Variants in GNG4 observed in about 807,000 individuals in gnomAD.
GNG4 encodes the protein G protein subunit gamma 4.
GNG4 carries 4 observed loss-of-function variants against 5.8 expected under a neutral mutation model. That is an observed-to-expected ratio of 0.69 (90% confidence interval 0.34 to 1.57). The LOEUF (loss-of-function observed/expected upper bound fraction) is 1.57, where lower values mean the gene tolerates loss of function less well. Ranked by LOEUF, GNG4 falls within the 40% of genes most tolerant of loss-of-function variation. The pLI, the probability that GNG4 is intolerant of heterozygous loss-of-function variation, is 0.06. For synonymous variants in GNG4, 29 were observed against 32.9 expected, an observed-to-expected ratio of 0.88 and a Z score of 0.41; for missense variants, 96 against 95.1, an observed-to-expected ratio of 1.01 and a Z score of -0.04.
chr1:235,585,779 T>C (rs575572805), intron 2 of GNG4, among the ~76,000 whole-genome samples: 28 of 152,322 alleles, frequency 1.8e-4, no homozygotes, highest in Non-Finnish European at 1.3e-4. Flanking sequence ...GGTAAATGCA[T>C]ATTTACTTTT....
At chr1:235,649,864 C>T (rs1430121002), upstream of GNG4, 1 of 149,572 alleles carries the variant, frequency 6.7e-6, no homozygotes, top group Non-Finnish European at 1.5e-5. The surrounding 1 kb of genome is among the most constrained non-coding windows in gnomAD (Gnocchi z 5.7). Flanking sequence ...CAGGGCCCGA[C>T]CACGCGGGCC....
intron 1 of GNG4, among the ~76,000 whole-genome samples, chr1:235,627,099 G>A (rs1486402120): frequency 6.6e-6 from 1 of 151,892 alleles, no homozygotes; most frequent in Non-Finnish European, 1.5e-5. Flanking sequence ...ACAGACCTGA[G>A]GGAGGCTCTG....
rs1686709283 is a variant in GNG4, at chr1:235,550,330, T to C, written c.*1779A>G. 2 of 152,184 alleles carry C rather than the reference T, an allele frequency of 1.3e-5. No homozygotes were observed. Among genetic ancestry groups the C allele is most frequent in the African/African-American group, 4.8e-5 (2 of 41,434 alleles). 9.4% of individuals were successfully genotyped at this position (152,184 alleles called of 1,614,324 possible). ...AAGGTGTTTGCTTCACGGTGTGCAG[T>C]TATGATAGTTTGTGGGTCTCCCTAC... On this transcript the variant is annotated 3_prime_UTR_variant, in exon 4 of 4. Coordinates refer to ENST00000391854, the MANE Select transcript of GNG4 (RefSeq NM_001098722.2).
rs1332163539 is a variant in GNG4, at chr1:235,587,314, T to TGG, written c.-10-3467_-10-3466insCC. Among the ~76,000 whole-genome samples, 58 of 40,662 alleles carry TGG rather than the reference T, an allele frequency of 1.4e-3. 2 individuals are homozygous for TGG. Among genetic ancestry groups the TGG allele is most frequent in the African/African-American group, 0.012 (47 of 3,992 alleles). The allele number at this position is 40,662 out of a possible 152,430, so 26.7% of individuals were successfully genotyped here. On this transcript the variant is annotated intron_variant, in intron 2 of 3. Coordinates refer to ENST00000391854, the MANE Select transcript of GNG4 (RefSeq NM_001098722.2). ...TTGGGGTGTGTGTGAGGGTGAGGGGTGTGTGTGTGTGAGAGTGTGAGAGCA... is the reference window on the plus strand; with the variant it reads ...TTGGGGTGTGTGTGAGGGTGAGGGGTGGGTGTGTGTGTGAGAGTGTGAGAGCA...
At chr1:235,560,346 T>C (rs533584805) in intron 3 of GNG4, among the ~76,000 whole-genome samples, 1 of 152,344 alleles carries the variant, frequency 6.6e-6, no homozygotes, top group Non-Finnish European at 1.5e-5. Context: ...ATCATGGGAA[T>C]GGGCTCCTTA....
In GNG4 at chr1:235,627,353, G is replaced by A. The variant is rs1359775337; in HGVS notation, c.-123+22309C>T. Among the ~76,000 whole-genome samples, 3 of 152,046 alleles carry A rather than the reference G, an allele frequency of 2.0e-5. No homozygotes were observed. The South Asian group carries it at 6.2e-4, about 32-fold the overall frequency. ...TTCTCCTGCCTCAGCCTCCCGAGTA[G>A]CTGGGACTACAGGTGTCCGCCACCA... On this transcript the variant is annotated intron_variant, in intron 1 of 3. Transcript: ENST00000391854.
rs574134372 is a variant in GNG4 at position 235,609,213 on chromosome 1, GAA to G, written c.-122-13704_-122-13703del. ...CAGTATTTCATTCCCTTTTATGGCT[GAA>G]GAGTATTCCATGATGCAGGTGCACC... is the stretch of plus-strand genomic sequence containing the variant. On this transcript the variant is annotated intron_variant, in intron 1 of 3. Coordinates refer to ENST00000391854, the MANE Select transcript of GNG4 (RefSeq NM_001098722.2). Among the ~76,000 whole-genome samples, 361 of 152,282 alleles carry G rather than the reference GAA, an allele frequency of 2.4e-3. 2 individuals are homozygous for G. Among genetic ancestry groups the G allele is most frequent in the Non-Finnish European group, 5.0e-4 (34 of 68,026 alleles).
chr1:235,589,102 T>C (rs1470652290), intron 2 of GNG4: 1 of 152,270 alleles, frequency 6.6e-6, no homozygotes, highest in Non-Finnish European at 1.5e-5. Flanking sequence ...TCAGCAAGTT[T>C]AGAGCGCAGG....
intron 1 of GNG4, among the ~76,000 whole-genome samples, chr1:235,645,797 CAA>C (rs6143682): frequency 1.1e-4 from 10 of 90,388 alleles, no homozygotes; most frequent in South Asian, 5.0e-4. Flanking sequence ...AACTCAGTCT[CAA>C]AAAAAAAAAA....
At chr1:235,647,605 T>C (rs984283952) in intron 1 of GNG4, among the ~76,000 whole-genome samples, 5 of 152,176 alleles carry the variant, frequency 3.3e-5, no homozygotes, top group African/African-American at 1.2e-4. Context: ...CCTGCCCTCC[T>C]GAGACAGCTG....
intron 1 of GNG4, among the ~76,000 whole-genome samples, chr1:235,610,364 C>G (rs191855890): frequency 6.6e-6 from 1 of 152,178 alleles, no homozygotes; most frequent in African/African-American, 2.4e-5. Flanking sequence ...GTTGTCATCA[C>G]GTGATTAAGG....
At chr1:235,604,418 T>G (rs186477524) in intron 1 of GNG4, among the ~76,000 whole-genome samples, 4 of 152,306 alleles carry the variant, frequency 2.6e-5, no homozygotes, top group Non-Finnish European at 5.9e-5. Flanking sequence ...CAACAAAAAT[T>G]TATTCTCTCA....
intron 3 of GNG4, among the ~76,000 whole-genome samples, chr1:235,581,579 G>C (rs1687638399): frequency 1.3e-5 from 2 of 151,424 alleles, no homozygotes; most frequent in Non-Finnish European, 2.9e-5. Context: ...TGCTATGTAA[G>C]ATGTGCCTGC....
Position 235,589,588 on chromosome 1 carries a change from C to G in GNG4, c.-10-5740G>C, listed in dbSNP as rs76994907. The stretch of plus-strand genomic sequence containing the variant: ...CCTCAGCATGGGCTGGAACCTGACC[C>G]CAAGCAGGGCATTTGGTATAGTTGT... On this transcript the variant is annotated intron_variant, in intron 2 of 3. Transcript: ENST00000391854. Among the ~76,000 whole-genome samples, 1,001 of 152,320 alleles carry G rather than the reference C, an allele frequency of 6.6e-3. 10 individuals are homozygous for G. The highest frequency in any genetic ancestry group is 0.023 in the African/African-American group (942 of 41,568).
At position 235,551,074 on chromosome 1, in the gene GNG4, G is replaced by A. The variant is rs1312268048; in HGVS notation, c.*1035C>T. The A allele has an allele frequency of 6.6e-6, 1 of 152,528 alleles. No homozygotes were observed. Among genetic ancestry groups the A allele is most frequent in the Non-Finnish European group, 1.5e-5 (1 of 68,312 alleles). 9.4% of individuals were successfully genotyped at this position (152,528 alleles called of 1,614,324 possible). On this transcript the variant is annotated 3_prime_UTR_variant, in exon 4 of 4. Transcript: ENST00000391854. ...AGGGAGCAGGAAGAGGTGGCATTTG[G>A]AGAGGGGAGACCGCACCCACAGGTC... is the stretch of plus-strand genomic sequence containing the variant.
rs184186958 is a variant in GNG4, at chr1:235,562,752, C to T, written c.100-10515G>A. Among the ~76,000 whole-genome samples, 152 of 151,014 alleles carry T rather than the reference C, an allele frequency of 1.0e-3. 1 individual carries two copies. Among genetic ancestry groups the T allele is most frequent in the African/African-American group, 3.5e-3 (144 of 41,130 alleles). On this transcript the variant is annotated intron_variant, in intron 3 of 3. Coordinates refer to ENST00000391854, the MANE Select transcript of GNG4 (RefSeq NM_001098722.2). ...CTACAGATCAAGTTGGGAAAAACTG[C>T]TATTTTAACTATATTGAGTCTTCTT...
rs1486960652 is a variant in GNG4, at chr1:235,548,411, C to G, written c.*3698G>C. 1 of 152,322 alleles carries G rather than the reference C, an allele frequency of 6.6e-6. No homozygotes were observed. Among genetic ancestry groups the G allele is most frequent in the Non-Finnish European group, 1.5e-5 (1 of 68,120 alleles). 9.4% of individuals were successfully genotyped at this position (152,322 alleles called of 1,614,324 possible). ...ACGCTGCCATCCCTGGACATTGCTACCAGTGGACACACCATCCCTGCAGCC... is the reference window on the plus strand; with the variant it reads ...ACGCTGCCATCCCTGGACATTGCTAGCAGTGGACACACCATCCCTGCAGCC... On this transcript the variant is annotated 3_prime_UTR_variant, in exon 4 of 4. Transcript: ENST00000391854.
chr1:235,616,351 C>G (rs1179046991), intron 1 of GNG4: 3 of 422,952 alleles, frequency 7.1e-6, no homozygotes, highest in African/African-American at 6.2e-5. Flanking sequence ...CCAGATTCAC[C>G]GTCATGCTGG....
chr1:235,633,520 T>C (rs1688974656), intron 1 of GNG4, among the ~76,000 whole-genome samples: 1 of 152,220 alleles, frequency 6.6e-6, no homozygotes, highest in Non-Finnish European at 1.5e-5. Context: ...CAGGGTCTCA[T>C]TCTGTTGCCC....
Sources: gnomAD v4.1 joint callset for allele counts (sites outside exome capture counted in the v4.1 genomes callset) on GRCh38, gnomAD v4.1.1 for gene constraint, Gnocchi (gnomAD v3.1) non-coding constraint, MANE v1.5 for transcripts, NCBI Gene and HGNC (gene_info 2026-07-23, HGNC 2026-07-21) for gene names.